RBFOX1: variants seen among roughly 807,000 people sequenced by gnomAD.
RBFOX1 encodes RNA binding protein fox-1 homolog 1.
In RBFOX1, 8 loss-of-function variants were observed where a neutral mutation model predicts 57.7. The observed-to-expected ratio is 0.14, with a 90% CI of 0.08 to 0.25. The LOEUF (loss-of-function observed/expected upper bound fraction) is 0.25. Ranked by LOEUF, RBFOX1 falls within the 10% of genes least tolerant of loss-of-function variation. RBFOX1 has a pLI of 1.00. For missense variants in RBFOX1, 611 were observed against 548.5 expected (o/e 1.11, Z -1.14); for synonymous variants, 326 against 222.4 (o/e 1.47, Z -4.15).
chr16:7,534,055 G>A (rs1305682452), intron 5 of RBFOX1, among the ~76,000 whole-genome samples: 1 of 150,256 alleles, frequency 6.7e-6, no homozygotes, highest in Non-Finnish European at 1.5e-5. Context: ...ATCCAGCCCT[G>A]ATTCATGTCA....
At chr16:7,170,254 T>C (rs1406680347) in intron 4 of RBFOX1, among the ~76,000 whole-genome samples, 3 of 152,170 alleles carry the variant, frequency 2.0e-5, no homozygotes, top group Non-Finnish European at 4.4e-5. Context: ...TTTATCCTCC[T>C]GCTCCTCACC....
chr16:6,676,136 ACACGCG>A (rs1241528399), intron 3 of RBFOX1, among the ~76,000 whole-genome samples: 107 of 18,330 alleles, frequency 5.8e-3, no homozygotes, highest in African/African-American at 0.019. Flanking sequence ...GGACACACAC[ACACGCG>A]CACACACACA....
At chr16:5,292,960 C>T (rs2063572487) in intron 1 of RBFOX1, among the ~76,000 whole-genome samples, 1 of 151,826 alleles carries the variant, frequency 6.6e-6, no homozygotes, top group Non-Finnish European at 1.5e-5. Flanking sequence ...CTCAAATTAA[C>T]TCCGGGGTGT....
intron 7 of RBFOX1, among the ~76,000 whole-genome samples, chr16:7,594,938 A>G (rs925841964): frequency 6.6e-6 from 1 of 152,148 alleles, no homozygotes; most frequent in Non-Finnish European, 1.5e-5. Flanking sequence ...TGTTTATTAG[A>G]CCAAAGAGTT....
At chr16:5,957,806 G>C (rs765112775) in intron 4 of RBFOX1, among the ~76,000 whole-genome samples, 48 of 152,048 alleles carry the variant, frequency 3.2e-4, no homozygotes, top group Non-Finnish European at 1.3e-4. Flanking sequence ...TTGATCCTTT[G>C]TGTTACAAAC....
intron 4 of RBFOX1, among the ~76,000 whole-genome samples, chr16:7,114,131 G>C (rs966071054): frequency 2.6e-5 from 4 of 152,150 alleles, no homozygotes; most frequent in African/African-American, 9.7e-5. Context: ...AACCTCTTGA[G>C]TTTTTAACTT....
At chr16:7,269,023 T>G (rs542415561) in intron 4 of RBFOX1, among the ~76,000 whole-genome samples, 1 of 115,636 alleles carries the variant, frequency 8.6e-6, no homozygotes. Flanking sequence ...GGCGACAGAG[T>G]GAGACTCCAT....
chr16:6,884,581 A>G (rs1318552041), intron 3 of RBFOX1, among the ~76,000 whole-genome samples: 4 of 152,048 alleles, frequency 2.6e-5, no homozygotes, highest in Non-Finnish European at 5.9e-5. Context: ...TATTACCCCC[A>G]TTTTGAAGAG....
intron 1 of RBFOX1, among the ~76,000 whole-genome samples, chr16:6,033,331 G>A (rs1329903892): frequency 1.3e-5 from 2 of 152,072 alleles, no homozygotes; most frequent in Admixed American, 6.5e-5. Context: ...TTATTTAATA[G>A]TTTTGATTAA....
intron 1 of RBFOX1, among the ~76,000 whole-genome samples, chr16:6,204,070 C>A (rs1436034860): frequency 7.1e-6 from 1 of 140,060 alleles, no homozygotes; most frequent in East Asian, 2.2e-4. Context: ...TTCTTTGTTT[C>A]TTTTCATCTC....
At chr16:6,930,557 C>T (rs2076337544) in intron 3 of RBFOX1, among the ~76,000 whole-genome samples, 1 of 151,868 alleles carries the variant, frequency 6.6e-6, no homozygotes, top group Non-Finnish European at 1.5e-5. Context: ...TTACAGGTAC[C>T]CCCCACCATG....
chr16:7,502,277 A>T (rs899302783), intron 4 of RBFOX1, among the ~76,000 whole-genome samples: 1 of 151,810 alleles, frequency 6.6e-6, no homozygotes, highest in East Asian at 1.9e-4. Flanking sequence ...TATGTGCGGA[A>T]GAAAAAGAGG....
At chr16:6,082,597 C>G (rs6500750) in intron 1 of RBFOX1, among the ~76,000 whole-genome samples, 1 of 151,606 alleles carries the variant, frequency 6.6e-6, no homozygotes, top group African/African-American at 2.4e-5. Context: ...CTCTTTATCC[C>G]CTTGACCAGG....
chr16:6,996,240 T>TA (rs1264652123), intron 3 of RBFOX1, among the ~76,000 whole-genome samples: 1 of 152,244 alleles, frequency 6.6e-6, no homozygotes, highest in Non-Finnish European at 1.5e-5. Flanking sequence ...AGTTTAGCCT[T>TA]TGCTTTTAAA....
intron 4 of RBFOX1, among the ~76,000 whole-genome samples, chr16:7,147,470 A>C (rs189401374): frequency 1.3e-5 from 2 of 150,720 alleles, no homozygotes; most frequent in East Asian, 3.9e-4. Flanking sequence ...CGGCCTTCCC[A>C]CTCCCCTGCA....
At position 6,555,328 on chromosome 16, in the gene RBFOX1, G is replaced by T. The variant is rs534736838; in HGVS notation, c.-63-99275G>T. Among the ~76,000 whole-genome samples the T allele has an allele frequency of 2.0e-5, 3 of 152,264 alleles. No individual in the cohort carries two copies. The South Asian group carries it at 6.2e-4, about 32-fold the overall frequency. On this transcript the variant is annotated intron_variant, in intron 2 of 15. Coordinates refer to ENST00000550418, the MANE Select transcript of RBFOX1 (RefSeq NM_018723.4). ...AGTTATAAAACCCATCATTTCCAGT[G>T]TTATGGTAATGCGAAAGCTTGATGA...
chr16:6,035,267 C>T (rs2095350703), intron 1 of RBFOX1, among the ~76,000 whole-genome samples: 1 of 152,192 alleles, frequency 6.6e-6, no homozygotes, highest in South Asian at 2.1e-4. Context: ...TTTGAGGACA[C>T]ACATGGTGGC....
chr16:7,606,248 A>G (rs533211064), intron 9 of RBFOX1, among the ~76,000 whole-genome samples: 1 of 151,636 alleles, frequency 6.6e-6, no homozygotes, highest in South Asian at 2.1e-4. Flanking sequence ...CGGACTCCCA[A>G]GTAGCTGGGA....
intron 1 of RBFOX1, among the ~76,000 whole-genome samples, chr16:6,047,390 T>G (rs2095505978): frequency 6.6e-6 from 1 of 152,160 alleles, no homozygotes; most frequent in South Asian, 2.1e-4. Context: ...TGGTTGTTCT[T>G]GGTAGAGGAT....
Sources: gnomAD v4.1 joint callset for allele counts (sites outside exome capture counted in the v4.1 genomes callset) on GRCh38, gnomAD v4.1.1 for gene constraint, MANE v1.5 for transcripts, NCBI Gene and HGNC (gene_info 2026-07-23, HGNC 2026-07-21) for gene names.